The following SFMBT1 variants were observed in gnomAD, a reference collection of about 807,000 sequenced individuals.
SFMBT1 encodes Scm like with four mbt domains 1.
In SFMBT1, 32 loss-of-function variants were observed where a neutral mutation model predicts 108.7. The observed-to-expected ratio is 0.29, with a 90% CI of 0.22 to 0.40. SFMBT1 has a LOEUF of 0.40. Ranked by LOEUF, SFMBT1 falls within the 10% of genes least tolerant of loss-of-function variation. The probability of loss-of-function intolerance (pLI) is 1.00; values close to 1 mark genes in which losing one functional copy is unlikely to be tolerated. For synonymous variants in SFMBT1, 348 were observed against 369.5 expected, an observed-to-expected ratio of 0.94 and a Z score of 0.67; for missense variants, 816 against 1,059.6, an observed-to-expected ratio of 0.77 and a Z score of 3.19.
intron 1 of SFMBT1, among the ~76,000 whole-genome samples, chr3:52,977,763 AC>A (rs1373660978): frequency 4.1e-4 from 62 of 152,350 alleles, no homozygotes; most frequent in African/African-American, 1.4e-3. Flanking sequence ...ATGTGCAGAT[AC>A]CTTTAACGTG....
chr3:52,983,837 G>A (rs534463693), intron 1 of SFMBT1, among the ~76,000 whole-genome samples: 2 of 152,358 alleles, frequency 1.3e-5, no homozygotes, highest in Non-Finnish European at 2.9e-5. Context: ...GCAGGCTGCT[G>A]TGAAGATTTT....
chr3:52,965,702 C>T (rs916180384), intron 2 of SFMBT1, among the ~76,000 whole-genome samples: 1 of 152,102 alleles, frequency 6.6e-6, no homozygotes, highest in African/African-American at 2.4e-5. Context: ...CACTACTAGA[C>T]CTCCTTTAAA....
At chr3:53,024,891 C>A (rs1272655114) in intron 1 of SFMBT1, among the ~76,000 whole-genome samples, 3 of 151,808 alleles carry the variant, frequency 2.0e-5, no homozygotes, top group Non-Finnish European at 2.9e-5. Flanking sequence ...GATATTTAAC[C>A]AAATATAAGA....
At chr3:52,941,900 A>G (rs11710707) in intron 4 of SFMBT1, among the ~76,000 whole-genome samples, 11,484 of 152,234 alleles carry the variant, frequency 0.075, 473 homozygotes, top group Non-Finnish European at 0.094. Context: ...TTCTGTCTCA[A>G]AAAAATAAAA....
At chr3:52,958,355 CCGCGGCAGG>C (rs1703851475) in intron 2 of SFMBT1, among the ~76,000 whole-genome samples, 1 of 152,200 alleles carries the variant, frequency 6.6e-6, no homozygotes, top group Non-Finnish European at 1.5e-5. Flanking sequence ...CTTTGGGAGG[CCGCGGCAGG>C]CGGACCACTT....
chr3:53,022,262 C>A (rs745551617), intron 1 of SFMBT1, among the ~76,000 whole-genome samples: 1 of 151,998 alleles, frequency 6.6e-6, no homozygotes, highest in East Asian at 1.9e-4. Context: ...CCAAACTGGG[C>A]AACATGGTGA....
At chr3:52,976,391 A>C (rs1479123872) in intron 1 of SFMBT1, among the ~76,000 whole-genome samples, 1 of 152,258 alleles carries the variant, frequency 6.6e-6, no homozygotes, top group Non-Finnish European at 1.5e-5. Flanking sequence ...TCGTGAAAGG[A>C]TACAAACAAA....
intron 2 of SFMBT1, among the ~76,000 whole-genome samples, chr3:52,966,911 T>G (rs1477148688): frequency 1.2e-5 from 1 of 86,800 alleles, no homozygotes; most frequent in Non-Finnish European, 2.5e-5. Flanking sequence ...TAGGTAAGAT[T>G]TCTATACTTC....
Position 52,934,916 on chromosome 3 carries a change from A to G in SFMBT1, c.365-15T>C. On this transcript the variant is annotated splice_polypyrimidine_tract_variant and intron_variant, in intron 4 of 20. Coordinates refer to ENST00000394752, the MANE Select transcript of SFMBT1 (RefSeq NM_016329.4). ...ATCTCTGATGCCTAGATGAGGGAAT[A>G]AATGACTGATTACTCAAAATGCCAG... The G allele has an allele frequency of 6.2e-7, 1 of 1,604,728 alleles. No individual in the cohort carries two copies. The highest frequency in any genetic ancestry group is 8.5e-7 in the Non-Finnish European group (1 of 1,173,660).
At chr3:53,001,918 C>A (rs1698563433) in intron 1 of SFMBT1, among the ~76,000 whole-genome samples, 1 of 123,232 alleles carries the variant, frequency 8.1e-6, no homozygotes, top group Non-Finnish European at 1.8e-5. Context: ...GAGCAAGACC[C>A]AGTCTCTCAC....
At position 52,950,949 on chromosome 3, in the gene SFMBT1, C is replaced by T. The variant is rs116887549; in HGVS notation, c.123+3368G>A. ...GGCAACATAGCAAGACCCATCTCTA[C>T]CAAAATATATATATATTTTTTTAAG... On this transcript the variant is annotated intron_variant, in intron 3 of 20. Coordinates refer to ENST00000394752, the MANE Select transcript of SFMBT1 (RefSeq NM_016329.4). 0.013 allele frequency among the ~76,000 whole-genome samples: 2,020 copies of T among 151,228 alleles called. 153 individuals are homozygous for T. In the East Asian group the frequency reaches 0.22, roughly 17 times the overall value.
intron 2 of SFMBT1, among the ~76,000 whole-genome samples, chr3:52,967,664 T>C (rs1704191972): frequency 6.6e-6 from 1 of 152,148 alleles, no homozygotes; most frequent in African/African-American, 2.4e-5. Flanking sequence ...GCCAAAGACA[T>C]GAAGAGACAT....
Position 53,037,136 on chromosome 3 carries a change from G to A in SFMBT1, c.-131+8680C>T, listed in dbSNP as rs541522702. Among the ~76,000 whole-genome samples, 19 of 152,310 alleles carry A rather than the reference G, an allele frequency of 1.2e-4. No individual in the cohort carries two copies. In the South Asian group the frequency reaches 3.9e-3, roughly 32 times the overall value. ...GAGTAAAAGTCAATGGCTAGGAGAG[G>A]AGCTAGGGTGAGGGCAGTTGTGTCT... On this transcript the variant is annotated intron_variant, in intron 1 of 20. Coordinates refer to ENST00000394752, the MANE Select transcript of SFMBT1 (RefSeq NM_016329.4).
chr3:52,985,940 T>C (rs759471060), intron 1 of SFMBT1, among the ~76,000 whole-genome samples: 16 of 152,004 alleles, frequency 1.1e-4, no homozygotes, highest in South Asian at 6.2e-4. Context: ...GTGAAGAGTT[T>C]GAGACCAGCC....
At chr3:52,981,256 A>T (rs1037363463) in intron 1 of SFMBT1, among the ~76,000 whole-genome samples, 40 of 152,278 alleles carry the variant, frequency 2.6e-4, no homozygotes, top group South Asian at 1.2e-3. Flanking sequence ...GTTTGGCTTT[A>T]AAACTTTAGG....
At position 53,045,913 on chromosome 3, in the gene SFMBT1, G is replaced by A. The variant is rs1047774517; in HGVS notation, c.-228C>T. 1 of 150,696 alleles carries A rather than the reference G, an allele frequency of 6.6e-6. No individual in the cohort carries two copies. The highest frequency in any genetic ancestry group is 2.4e-5 in the African/African-American group (1 of 41,066). The allele number at this position is 150,696 out of a possible 1,614,324, so 9.3% of individuals were successfully genotyped here. A position where few individuals can be genotyped will look rare whatever the true frequency, so the allele number is the denominator to read the frequency against. The stretch of plus-strand genomic sequence containing the variant: ...TCTTTCCGTCTTTTCGCTCCCCCGC[G>A]CGGAAGCTTTTTCCTCCCGTGCTGC... On this transcript the variant is annotated 5_prime_UTR_variant, in exon 1 of 21. Transcript: ENST00000394752.
At chr3:52,930,485 A>G (rs1007877147) in intron 7 of SFMBT1, 55 bp from the exon 8 acceptor site, 1 of 967,104 alleles carries the variant, frequency 1.0e-6, no homozygotes, top group Non-Finnish European at 1.7e-6. Context: ...TCAATCTTAC[A>G]CTCACATGTA....
intron 20 of SFMBT1, 40 bp downstream of exon 20, chr3:52,906,073 T>C (rs751686885): frequency 2.7e-5 from 44 of 1,607,256 alleles, no homozygotes; most frequent in Non-Finnish European, 3.6e-5. Context: ...AATTTATTGC[T>C]AAAGAGACAT....
At chr3:53,032,014 T>G (rs1699703046) in intron 1 of SFMBT1, among the ~76,000 whole-genome samples, 1 of 152,204 alleles carries the variant, frequency 6.6e-6, no homozygotes, top group African/African-American at 2.4e-5. Context: ...GGTAAGGATG[T>G]CTAGGGAAGG....
Sources: gnomAD v4.1 joint callset for allele counts (sites outside exome capture counted in the v4.1 genomes callset) on GRCh38, gnomAD v4.1.1 for gene constraint, MANE v1.5 for transcripts, NCBI Gene and HGNC (gene_info 2026-07-23, HGNC 2026-07-21) for gene names.